Variants in NPEPPS observed in about 807,000 individuals in gnomAD.
NPEPPS encodes the protein puromycin-sensitive aminopeptidase.
A neutral mutation model predicts 115.5 loss-of-function variants in NPEPPS; 14 were observed. That is an observed-to-expected ratio of 0.12 (90% CI 0.08 to 0.19). The LOEUF is 0.19. NPEPPS is among the 10% of genes least tolerant of loss of function. The pLI is 1.00. For synonymous variants in NPEPPS, 285 were observed against 390.6 expected (o/e 0.73, Z 3.19); for missense variants, 523 against 1,110.8 (o/e 0.47, Z 7.52).
chr17:47,535,832 CTTTTTTTTTTTTT>C (rs553790964), intron 1 of NPEPPS, among the ~76,000 whole-genome samples: 5 of 100,992 alleles, frequency 5.0e-5, no homozygotes, highest in South Asian at 3.4e-4. Context: ...ATTGGGTATT[CTTTTTTTTTTTTT>C]TTTTTTTTTG....
In NPEPPS at chr17:47,622,403, G is replaced by A. The variant is rs889901177; in HGVS notation, c.*483G>A. ...TGATAGCTGGTATCACATAGTTGGAGTCAGTGCATAATTCCAAGTGGCTTT... is the reference window on the plus strand; with the variant it reads ...TGATAGCTGGTATCACATAGTTGGAATCAGTGCATAATTCCAAGTGGCTTT... On this transcript the variant is annotated 3_prime_UTR_variant, in exon 23 of 23. Transcript: ENST00000322157. 5 of 164,028 alleles carry A rather than the reference G, an allele frequency of 3.0e-5. No individual in the cohort carries two copies. The South Asian group carries it at 7.9e-4, about 26-fold the overall frequency. 10.2% of individuals were successfully genotyped at this position (164,028 alleles called of 1,614,324 possible).
Position 47,622,481 on chromosome 17 carries a change from A to G in NPEPPS, c.*561A>G, listed in dbSNP as rs552338624. The G allele has an allele frequency of 1.7e-3, 365 of 213,128 alleles. 1 individual carries two copies. The highest frequency in any genetic ancestry group is 2.3e-3 in the Non-Finnish European group (244 of 107,780). 13.2% of individuals were successfully genotyped at this position (213,128 alleles called of 1,614,324 possible). On this transcript the variant is annotated 3_prime_UTR_variant, in exon 23 of 23. Coordinates refer to ENST00000322157, the MANE Select transcript of NPEPPS (RefSeq NM_006310.4). Reference sequence around the variant, plus strand: ...GGAAGATATATTCCTGCATAACTCAATCTGAACCAAGGATTGTAGTTTAGT... The same window carrying G: ...GGAAGATATATTCCTGCATAACTCAGTCTGAACCAAGGATTGTAGTTTAGT...
intron 15 of NPEPPS, 74 bp downstream of exon 15, chr17:47,601,821 G>A (rs539440475): frequency 7.0e-4 from 985 of 1,410,660 alleles, no homozygotes; most frequent in Non-Finnish European, 9.3e-4. Context: ...TTCTGCTTCA[G>A]TTTAGTAGTT....
At chr17:47,558,693 T>A (rs2143765321) in intron 2 of NPEPPS, among the ~76,000 whole-genome samples, 1 of 152,346 alleles carries the variant, frequency 6.6e-6, no homozygotes, top group Middle Eastern at 3.4e-3. Context: ...CCTGAAGTGC[T>A]GGGATTATAG....
chr17:47,606,232 AAT>A, intron 17 of NPEPPS, among the ~76,000 whole-genome samples: 1 of 152,182 alleles, frequency 6.6e-6, no homozygotes, highest in Admixed American at 6.5e-5. Context: ...TAATTAAGGA[AAT>A]TATTTGCTTT....
chr17:47,568,332 G>A (rs1167954236), intron 2 of NPEPPS, among the ~76,000 whole-genome samples: 2 of 152,058 alleles, frequency 1.3e-5, no homozygotes, highest in African/African-American at 4.8e-5. Flanking sequence ...CACCATGCCT[G>A]GCTAAGTTTT....
chr17:47,615,998 T>C lies in NPEPPS; in HGVS notation c.2295+2273T>C, dbSNP rs550975462. ...ATTAATTCATAGTATATTTGAAATG[T>C]GGTGTTAGAGTGCCATCTAGTGGAC... On this transcript the variant is annotated intron_variant, in intron 19 of 22. Transcript: ENST00000322157. Among the ~76,000 whole-genome samples, 12 of 152,290 alleles carry C rather than the reference T, an allele frequency of 7.9e-5. No individual in the cohort carries two copies. In the South Asian group the frequency reaches 2.3e-3, roughly 29 times the overall value.
chr17:47,538,631 G>A (rs1297348613), intron 1 of NPEPPS, among the ~76,000 whole-genome samples: 1 of 149,502 alleles, frequency 6.7e-6, no homozygotes, highest in East Asian at 2.0e-4. Context: ...CCGGGTTTAA[G>A]CGATTCTCCT....
intron 12 of NPEPPS, among the ~76,000 whole-genome samples, chr17:47,593,094 C>A (rs1042306577): frequency 9.9e-5 from 15 of 152,154 alleles, no homozygotes; most frequent in Non-Finnish European, 1.5e-4. Flanking sequence ...AAGTATAATG[C>A]AAATATTCCA....
At chr17:47,593,096 A>C (rs904669638) in intron 12 of NPEPPS, among the ~76,000 whole-genome samples, 2 of 152,194 alleles carry the variant, frequency 1.3e-5, no homozygotes, top group African/African-American at 4.8e-5. Flanking sequence ...GTATAATGCA[A>C]ATATTCCAAA....
chr17:47,575,358 A>T (rs1401939636), intron 3 of NPEPPS, among the ~76,000 whole-genome samples: 1 of 152,036 alleles, frequency 6.6e-6, no homozygotes, highest in Non-Finnish European at 1.5e-5. Context: ...ATTAGTATAT[A>T]AGAGATGTAT....
At chr17:47,610,175 C>A (rs1913757081) in intron 17 of NPEPPS, among the ~76,000 whole-genome samples, 1 of 150,644 alleles carries the variant, frequency 6.6e-6, no homozygotes. Context: ...CCCACCCCAC[C>A]CCCCCAAAAA....
chr17:47,604,790 TTC>T (rs1167126270), intron 16 of NPEPPS, among the ~76,000 whole-genome samples: 4 of 152,226 alleles, frequency 2.6e-5, no homozygotes, highest in African/African-American at 9.7e-5. Flanking sequence ...GTAACAGAAG[TTC>T]TTTTTCCTAA....
chr17:47,618,936 C>T, intron 20 of NPEPPS, 73 bp from the exon 21 acceptor site: 2 of 1,360,796 alleles, frequency 1.5e-6, no homozygotes, highest in South Asian at 2.6e-5. Flanking sequence ...TTCAGTGTCA[C>T]AGTATGGTGC....
At chr17:47,523,483 T>C (rs1172714341) in intron 1 of NPEPPS, among the ~76,000 whole-genome samples, 1 of 151,822 alleles carries the variant, frequency 6.6e-6, no homozygotes, top group Admixed American at 6.6e-5. Flanking sequence ...TGCAATGGCG[T>C]GATCTTGACT....
intron 12 of NPEPPS, among the ~76,000 whole-genome samples, chr17:47,592,906 C>T (rs1428793872): frequency 6.6e-6 from 1 of 152,096 alleles, no homozygotes; most frequent in Non-Finnish European, 1.5e-5. Flanking sequence ...CCTCCCCCAG[C>T]CCCCTACCCC....
chr17:47,600,053 C>T (rs1913098168), intron 14 of NPEPPS, among the ~76,000 whole-genome samples: 1 of 151,972 alleles, frequency 6.6e-6, no homozygotes, highest in African/African-American at 2.4e-5. Context: ...CTCCTGACCT[C>T]GAGATCCGCC....
At chr17:47,615,322 C>T (rs959899100) in intron 19 of NPEPPS, among the ~76,000 whole-genome samples, 1 of 152,134 alleles carries the variant, frequency 6.6e-6, no homozygotes, top group African/African-American at 2.4e-5. Flanking sequence ...GTGATCCACC[C>T]GACTCGGCCT....
At chr17:47,568,899 C>G (rs1911011579) in intron 2 of NPEPPS, among the ~76,000 whole-genome samples, 1 of 151,132 alleles carries the variant, frequency 6.6e-6, no homozygotes, top group Non-Finnish European at 1.5e-5. Flanking sequence ...AGGTGACCCG[C>G]CTGCCTCGGC....
Sources: gnomAD v4.1 joint callset for allele counts (sites outside exome capture counted in the v4.1 genomes callset) on GRCh38, gnomAD v4.1.1 for gene constraint, MANE v1.5 for transcripts, NCBI Gene and HGNC (gene_info 2026-07-23, HGNC 2026-07-21) for gene names.